KCNIP4: variants seen among roughly 807,000 people sequenced by gnomAD.
KCNIP4 encodes the protein potassium voltage-gated channel interacting protein 4, also known as Kv channel-interacting protein 4.
Under a neutral mutation model 34.0 loss-of-function variants are expected in KCNIP4, and 12 were observed. That is an observed-to-expected ratio of 0.35 (90% CI 0.23 to 0.57). The LOEUF (loss-of-function observed/expected upper bound fraction) is 0.57, where lower values mean the gene tolerates loss of function less well. KCNIP4 is among the 20% of genes least tolerant of loss of function. The pLI, the probability that KCNIP4 is intolerant of heterozygous loss-of-function variation, is 0.83. For missense variants in KCNIP4, 238 were observed against 311.7 expected (o/e 0.76, Z 1.78); for synonymous variants, 124 against 102.2 (o/e 1.21, Z -1.29).
chr4:20,868,893 G>C (rs1391081868), intron 2 of KCNIP4, among the ~76,000 whole-genome samples: 2 of 151,988 alleles, frequency 1.3e-5, no homozygotes, highest in Non-Finnish European at 2.9e-5. Context: ...AAGGTGACAG[G>C]ATCCTAATTC....
chr4:21,758,729 T>C (rs1717833427), intron 1 of KCNIP4, among the ~76,000 whole-genome samples: 2 of 85,094 alleles, frequency 2.4e-5, no homozygotes, highest in South Asian at 5.9e-4. Flanking sequence ...AAAACAGCCA[T>C]GAAACAAAGC....
intron 1 of KCNIP4, among the ~76,000 whole-genome samples, chr4:21,777,178 T>C (rs551443511): frequency 1.3e-5 from 2 of 152,336 alleles, no homozygotes; most frequent in Middle Eastern, 3.4e-3. Context: ...TCTTCCATGA[T>C]TGTAAGTTTC....
At chr4:21,521,489 T>C (rs551185231) in intron 1 of KCNIP4, among the ~76,000 whole-genome samples, 8 of 152,170 alleles carry the variant, frequency 5.3e-5, no homozygotes, top group Non-Finnish European at 1.0e-4. Flanking sequence ...AAAAATAACA[T>C]ATCTAAAACT....
At chr4:21,417,246 T>C (rs1036144409) in intron 1 of KCNIP4, among the ~76,000 whole-genome samples, 1 of 152,020 alleles carries the variant, frequency 6.6e-6, no homozygotes, top group African/African-American at 2.4e-5. Flanking sequence ...TGTATTTCCA[T>C]CACATGTTGG....
chr4:20,829,295 C>T (rs553958442), intron 3 of KCNIP4, among the ~76,000 whole-genome samples: 13 of 152,196 alleles, frequency 8.5e-5, no homozygotes, highest in African/African-American at 3.1e-4. Flanking sequence ...GAAATCTCTG[C>T]CACCCGGGTT....
Position 21,259,315 on chromosome 4 carries a change from T to C in KCNIP4, c.62-376606A>G, listed in dbSNP as rs1761296759. ...GAGAAGACTGGCCTAGTTCATGTGG[T>C]CAAATACAGTGGGTCTATTTTAATT... On this transcript the variant is annotated intron_variant, in intron 1 of 8. Coordinates refer to ENST00000382152, the MANE Select transcript of KCNIP4 (RefSeq NM_025221.6). Among the ~76,000 whole-genome samples, 2 of 152,246 alleles carry C rather than the reference T, an allele frequency of 1.3e-5. 1 individual carries two copies. The highest frequency in any genetic ancestry group is 4.1e-4 in the South Asian group (2 of 4,838).
intron 1 of KCNIP4, among the ~76,000 whole-genome samples, chr4:20,919,085 G>A (rs1416343754): frequency 6.6e-6 from 1 of 152,170 alleles, no homozygotes; most frequent in Non-Finnish European, 1.5e-5. Flanking sequence ...ATTATTAGCA[G>A]GGCTGATGTG....
At chr4:21,153,823 C>CA (rs1369563070) in intron 1 of KCNIP4, among the ~76,000 whole-genome samples, 1 of 151,930 alleles carries the variant, frequency 6.6e-6, no homozygotes, top group Admixed American at 6.6e-5. Context: ...GCCAAAGGTA[C>CA]AAAATCACAC....
At chr4:21,694,939 AATAAAT>A (rs758027697) in intron 1 of KCNIP4, among the ~76,000 whole-genome samples, 16,183 of 72,004 alleles carry the variant, frequency 0.22, 1,000 homozygotes, top group Non-Finnish European at 0.35. Context: ...AATAAAAATA[AATAAAT>A]AAATAAAGGG....
At chr4:21,714,839 AT>A (rs1180764994) in intron 1 of KCNIP4, among the ~76,000 whole-genome samples, 4 of 222 alleles carry the variant, frequency 0.018, no homozygotes, top group Admixed American at 0.062. Flanking sequence ...ATTTTATTTT[AT>A]TTTATTTTAT....
chr4:21,444,409 T>A (rs1464393075), intron 1 of KCNIP4, among the ~76,000 whole-genome samples: 1 of 152,242 alleles, frequency 6.6e-6, no homozygotes, highest in African/African-American at 2.4e-5. Context: ...CAGCAGCACA[T>A]CAAAAAGCTT....
chr4:21,780,991 A>T (rs1238756477), intron 1 of KCNIP4, among the ~76,000 whole-genome samples: 2 of 152,040 alleles, frequency 1.3e-5, no homozygotes, highest in Non-Finnish European at 2.9e-5. Flanking sequence ...CTCTTCTAAG[A>T]ACACCAGTTA....
chr4:21,207,772 T>C (rs1186157153), intron 1 of KCNIP4, among the ~76,000 whole-genome samples: 3 of 152,146 alleles, frequency 2.0e-5, no homozygotes, highest in Non-Finnish European at 4.4e-5. Flanking sequence ...TTTTAATCAG[T>C]TATTTCCACT....
chr4:21,340,234 TCTC>T (rs1215903904), intron 1 of KCNIP4, among the ~76,000 whole-genome samples: 4 of 144,346 alleles, frequency 2.8e-5, no homozygotes, highest in African/African-American at 8.0e-5. Context: ...AAATTTATGA[TCTC>T]CTAAAGCTTT....
chr4:21,886,513 C>T lies in KCNIP4; in HGVS notation c.61+62058G>A, dbSNP rs896975729. ...AATGTATTTTTACAGAGGGAGTAAG[C>T]GGATGGGTTTCTGCCAGCACCAGGG... On this transcript the variant is annotated intron_variant, in intron 1 of 8. Coordinates refer to ENST00000382152, the MANE Select transcript of KCNIP4 (RefSeq NM_025221.6). 2.6e-5 allele frequency among the ~76,000 whole-genome samples: 4 copies of T among 152,180 alleles called. No homozygotes were observed. In the South Asian group the frequency reaches 6.2e-4, roughly 24 times the overall value.
intron 1 of KCNIP4, among the ~76,000 whole-genome samples, chr4:21,235,761 G>T (rs924524070): frequency 3.9e-5 from 6 of 152,102 alleles, no homozygotes; most frequent in Non-Finnish European, 5.9e-5. Flanking sequence ...ACATAGCAAG[G>T]GCTCAGTTAT....
intron 1 of KCNIP4, among the ~76,000 whole-genome samples, chr4:21,095,848 C>G (rs775937870): frequency 6.6e-6 from 1 of 152,172 alleles, no homozygotes; most frequent in Non-Finnish European, 1.5e-5. Context: ...ACGTTCACAT[C>G]TGCTTAGTTG....
At chr4:21,750,357 C>G (rs541872150) in intron 1 of KCNIP4, among the ~76,000 whole-genome samples, 1 of 152,118 alleles carries the variant, frequency 6.6e-6, no homozygotes, top group African/African-American at 2.4e-5. Context: ...ATAAAGAACA[C>G]AAAAACTTAT....
chr4:21,083,874 G>A (rs1746206553), intron 1 of KCNIP4, among the ~76,000 whole-genome samples: 1 of 151,852 alleles, frequency 6.6e-6, no homozygotes, highest in Non-Finnish European at 1.5e-5. Context: ...AGCACTGCAT[G>A]TTTACCTCTG....
Sources: gnomAD v4.1 joint callset for allele counts (sites outside exome capture counted in the v4.1 genomes callset) on GRCh38, gnomAD v4.1.1 for gene constraint, MANE v1.5 for transcripts, NCBI Gene and HGNC (gene_info 2026-07-23, HGNC 2026-07-21) for gene names.